Variants in ZNF333 observed in about 807,000 individuals in gnomAD.
ZNF333 encodes zinc finger protein 333.
A neutral mutation model predicts 76.1 loss-of-function variants in ZNF333; 61 were observed. The observed-to-expected ratio is 0.80, with a 90% confidence interval of 0.65 to 0.99. ZNF333 has a LOEUF of 0.99. Among genes scored for constraint, ZNF333 ranks in the 50% least tolerant of loss-of-function variants. The pLI is 0.00. For missense variants in ZNF333, 717 were observed against 822.4 expected (o/e 0.87, Z 1.57); for synonymous variants, 284 against 305.0 (o/e 0.93, Z 0.72).
Position 14,720,152 on chromosome 19 carries a change from C to G in ZNF333, c.*827C>G, listed in dbSNP as rs1599759032. 3.1e-6 allele frequency: 3 copies of G among 966,682 alleles called. No individual in the cohort carries two copies. The highest frequency in any genetic ancestry group is 3.7e-6 in the Non-Finnish European group (3 of 812,986). 59.9% of individuals were successfully genotyped at this position (966,682 alleles called of 1,614,324 possible). On this transcript the variant is annotated 3_prime_UTR_variant, in exon 12 of 12. Coordinates refer to ENST00000292530, the MANE Select transcript of ZNF333 (RefSeq NM_032433.4). ...AGTGAGCCGAGATTGCGCCACTGCA[C>G]TCCAGCCTGGGCAACAGAGTGAAAC...
At chr19:14,698,896 ATAGATATATATATATATATAT>A (rs1973440773) in intron 4 of ZNF333, among the ~76,000 whole-genome samples, 1 of 103,654 alleles carries the variant, frequency 9.6e-6, no homozygotes, top group African/African-American at 4.5e-5. Flanking sequence ...ACACACAAAT[ATAGATATATATATATATATAT>A]ATATATATAT....
At chr19:14,725,503 C>A (rs1351599012), downstream of ZNF333, among the ~76,000 whole-genome samples, 1 of 152,182 alleles carries the variant, frequency 6.6e-6, no homozygotes, top group African/African-American at 2.4e-5. Context: ...TCAAAAGTCT[C>A]ATCTGAAGAT....
At chr19:14,723,495 T>C (rs1290301753), downstream of ZNF333, among the ~76,000 whole-genome samples, 2 of 152,262 alleles carry the variant, frequency 1.3e-5, no homozygotes, top group African/African-American at 4.8e-5. Flanking sequence ...GAACATAGTA[T>C]GTCTATTTGT....
At chr19:14,725,945 G>A (rs533912858), downstream of ZNF333, among the ~76,000 whole-genome samples, 2 of 152,324 alleles carry the variant, frequency 1.3e-5, no homozygotes, top group Non-Finnish European at 2.9e-5. Context: ...AGGGATTCTT[G>A]TGGGGGTACG....
chr19:14,695,119 C>T lies in ZNF333; in HGVS notation c.113C>T (p.Thr38Ile), dbSNP rs757880661. Residue 38 changes from threonine to isoleucine, a missense_variant, in exon 3 of 12, where the codon ACC becomes ATC. Physicochemically the swap from Thr to Ile is moderately conservative, Grantham distance 89. Coordinates refer to ENST00000292530, the MANE Select transcript of ZNF333 (RefSeq NM_032433.4). Reference sequence around the variant, plus strand: ...TACAGGATGCTTGACCAGTGCAGGACCCTGGCCTCCAGGGGTAAGGCTGGC... The same window carrying T: ...TACAGGATGCTTGACCAGTGCAGGATCCTGGCCTCCAGGGGTAAGGCTGGC... ...CKYRMLDQCR[T>I]LASRGTPPCK... 13 of 1,613,776 alleles carry T rather than the reference C, an allele frequency of 8.1e-6. No individual in the cohort carries two copies. Among genetic ancestry groups the T allele is most frequent in the Non-Finnish European group, 1.1e-5 (13 of 1,179,746 alleles).
Position 14,720,424 on chromosome 19 carries a change from C to A in ZNF333, c.*1099C>A. 1.0e-6 allele frequency: 1 copy of A among 985,364 alleles called. No homozygotes were observed. The highest frequency in any genetic ancestry group is 1.2e-6 in the Non-Finnish European group (1 of 829,928). 61.0% of individuals were successfully genotyped at this position (985,364 alleles called of 1,614,324 possible). A position where few individuals can be genotyped will look rare whatever the true frequency, so the allele number is the denominator to read the frequency against. Reference sequence around the variant, plus strand: ...CCTCCTGTGACCATAAGGGTAAAAGCCGCAAGCTAAGAAGAGGGTGGCCGG... The same window carrying A: ...CCTCCTGTGACCATAAGGGTAAAAGACGCAAGCTAAGAAGAGGGTGGCCGG... On this transcript the variant is annotated 3_prime_UTR_variant, in exon 12 of 12. Transcript: ENST00000292530.
At chr19:14,715,158 T>G in intron 7 of ZNF333, 1 of 513,054 alleles carries the variant, frequency 1.9e-6, no homozygotes, top group South Asian at 2.1e-5. Flanking sequence ...TGTGCGTGTT[T>G]GTGTGTATAT....
Position 14,698,925 on chromosome 19 carries a change from T to G in ZNF333, c.224-274T>G, listed in dbSNP as rs200916460. The stretch of plus-strand genomic sequence containing the variant: ...ATATATATATATATATATATATATA[T>G]ATATATATATACACACATATATATT... On this transcript the variant is annotated intron_variant, in intron 4 of 11. Transcript: ENST00000292530. Among the ~76,000 whole-genome samples the G allele has an allele frequency of 3.3e-4, 28 of 85,162 alleles. No individual in the cohort carries two copies. Among genetic ancestry groups the G allele is most frequent in the African/African-American group, 1.0e-3 (23 of 22,828 alleles). 55.9% of individuals were successfully genotyped at this position (85,162 alleles called of 152,430 possible).
chr19:14,708,122 C>T (rs1360922943), intron 7 of ZNF333: 2 of 391,908 alleles, frequency 5.1e-6, no homozygotes, highest in African/African-American at 4.1e-5. Context: ...ATTTTCCTGC[C>T]TCAGCCTCCC....
chr19:14,703,644 C>T lies in ZNF333; in HGVS notation c.307-1410C>T, dbSNP rs377011630. Among the ~76,000 whole-genome samples the T allele has an allele frequency of 7.8e-4, 119 of 152,276 alleles. 1 individual carries two copies. The highest frequency in any genetic ancestry group is 2.5e-3 in the African/African-American group (104 of 41,542). ...AGGTCAGCCTGGAGGCAGAAAGGAG[C>T]GAGGGGATAGCCCAGGCCAGAGCCT... On this transcript the variant is annotated intron_variant, in intron 5 of 11. Coordinates refer to ENST00000292530, the MANE Select transcript of ZNF333 (RefSeq NM_032433.4).
At chr19:14,710,815 G>GT (rs2146996104) in intron 7 of ZNF333, among the ~76,000 whole-genome samples, 1 of 152,218 alleles carries the variant, frequency 6.6e-6, no homozygotes, top group Non-Finnish European at 1.5e-5. Context: ...AATAAAAGAA[G>GT]TGTATCTGAC....
At chr19:14,705,987 C>G (rs1032355456) in intron 6 of ZNF333, 2 of 421,626 alleles carry the variant, frequency 4.7e-6, no homozygotes, top group Non-Finnish European at 4.8e-6. Flanking sequence ...CCACTCGTCC[C>G]TGCCCTGTTC....
chr19:14,718,283 T>C lies in ZNF333; in HGVS notation c.956T>C (p.Phe319Ser). 5 of 1,614,192 alleles carry C rather than the reference T, an allele frequency of 3.1e-6. No individual in the cohort carries two copies. The highest frequency in any genetic ancestry group is 4.2e-6 in the Non-Finnish European group (5 of 1,180,030). The change falls in exon 12 of 12, where the codon TTT (phenylalanine) becomes TCT (serine). Residue 319 changes from phenylalanine to serine, a missense_variant. Physicochemically the swap from Phe to Ser is radical, Grantham distance 155. Coordinates refer to ENST00000292530, the MANE Select transcript of ZNF333 (RefSeq NM_032433.4). ...LYKYNELEKP[F>S]NSIEPLFQYQ... ...AAATATAATGAACTTGAGAAACCTT[T>C]TAACAGCATTGAACCACTTTTCCAG...
intron 6 of ZNF333, chr19:14,706,469 G>C: frequency 1.8e-6 from 1 of 549,908 alleles, no homozygotes; most frequent in Non-Finnish European, 3.2e-6. Context: ...CCCAGCCCCT[G>C]CCTGGGTGCC....
intron 7 of ZNF333, among the ~76,000 whole-genome samples, chr19:14,713,002 G>A (rs1481612330): frequency 6.6e-6 from 1 of 151,404 alleles, no homozygotes; most frequent in Non-Finnish European, 1.5e-5. Context: ...CCATTCCAGC[G>A]TCAACTCTAA....
At chr19:14,692,554 C>G (rs1471616703) in intron 1 of ZNF333, among the ~76,000 whole-genome samples, 3 of 152,082 alleles carry the variant, frequency 2.0e-5, no homozygotes. Flanking sequence ...TGCTCTGTCA[C>G]CCAGGCTGGA....
chr19:14,719,982 T>C lies in ZNF333; in HGVS notation c.*657T>C. 1 of 930,474 alleles carries C rather than the reference T, an allele frequency of 1.1e-6. No individual in the cohort carries two copies. Among genetic ancestry groups the C allele is most frequent in the Non-Finnish European group, 1.3e-6 (1 of 779,932 alleles). The allele number at this position is 930,474 out of a possible 1,614,324, so 57.6% of individuals were successfully genotyped here. Reference sequence around the variant, plus strand: ...TGGGGGATCACCTGAGGTCAGGAGTTCGAGATCAGCCTGGCCAACATGGTG... The same window carrying C: ...TGGGGGATCACCTGAGGTCAGGAGTCCGAGATCAGCCTGGCCAACATGGTG... On this transcript the variant is annotated 3_prime_UTR_variant, in exon 12 of 12. Coordinates refer to ENST00000292530, the MANE Select transcript of ZNF333 (RefSeq NM_032433.4).
At chr19:14,715,539 G>A (rs939481986) in intron 8 of ZNF333, 69 bp downstream of exon 8, 12 of 1,441,858 alleles carry the variant, frequency 8.3e-6, no homozygotes, top group Admixed American at 1.8e-5. Flanking sequence ...TTCTTCCTGT[G>A]ACCTGTCTGG....
chr19:14,717,925 G>A (rs3752185), intron 11 of ZNF333, among the ~76,000 whole-genome samples, 192 bp downstream of exon 11: 83,649 of 152,086 alleles, frequency 0.55, 23,379 homozygotes, highest in East Asian at 0.76. Flanking sequence ...GATCATGTTC[G>A]TACAAGTAAG....
Sources: gnomAD v4.1 joint callset for allele counts (sites outside exome capture counted in the v4.1 genomes callset) on GRCh38, gnomAD v4.1.1 for gene constraint, MANE v1.5 for transcripts, NCBI Gene and HGNC (gene_info 2026-07-23, HGNC 2026-07-21) for gene names.